ACSL6: variants seen among roughly 807,000 people sequenced by gnomAD.
The protein encoded by ACSL6 is long-chain-fatty-acid--CoA ligase 6.
Under a neutral mutation model 98.2 loss-of-function variants are expected in ACSL6, and 47 were observed. The ratio of observed to expected loss-of-function variants is 0.48; its 90% confidence interval spans 0.38 to 0.61. ACSL6 has a LOEUF of 0.61. ACSL6 is among the 20% of genes least tolerant of loss of function. ACSL6 has a pLI of 0.00. For synonymous variants in ACSL6, 362 were observed against 336.9 expected (o/e 1.07, Z -0.82); for missense variants, 761 against 913.4 (o/e 0.83, Z 2.15).
chr5:131,963,373 C>T (rs1401331933), intron 17 of ACSL6, among the ~76,000 whole-genome samples: 10 of 152,216 alleles, frequency 6.6e-5, no homozygotes, highest in African/African-American at 2.4e-5. Flanking sequence ...TTTCCCCTCA[C>T]CGCCACTGAC....
rs1182571581 is a variant in ACSL6, at chr5:131,989,489, A to T, written c.470T>A (p.Phe157Tyr). The change falls in exon 5 of 21, where the codon TTT becomes TAT. Residue 157 changes from phenylalanine (F) to tyrosine (Y), a missense_variant. Transcript: ENST00000651883. ...GTGCTGGAGAAGTCCGGACCCCAGA[A>T]ATTCAGCCCTGTCGGCCACCTGCAC... ...SYQEVADRAE[F>Y]LGSGLLQHNC... 6.2e-7 allele frequency: 1 copy of T among 1,612,788 alleles called. No homozygotes were observed. The highest frequency in any genetic ancestry group is 1.3e-5 in the African/African-American group (1 of 74,782).
intron 13 of ACSL6, 122 bp downstream of exon 13, chr5:131,972,602 G>A: frequency 8.4e-7 from 1 of 1,193,020 alleles, no homozygotes; most frequent in East Asian, 2.4e-5. Context: ...TTGATTTCAT[G>A]AGCAAATGAG....
chr5:131,969,447 T>C (rs1214644628), intron 15 of ACSL6, among the ~76,000 whole-genome samples: 1 of 150,734 alleles, frequency 6.6e-6, no homozygotes. Context: ...CTTTGGAGAT[T>C]ATTGTGTTTT....
At chr5:131,975,639 A>G in intron 10 of ACSL6, 6 of 985,364 alleles carry the variant, frequency 6.1e-6, no homozygotes, top group Non-Finnish European at 6.0e-6. Flanking sequence ...GAATGCTGAC[A>G]GGGAGCCCTG....
intron 1 of ACSL6, among the ~76,000 whole-genome samples, chr5:132,008,797 G>A (rs1478854843): frequency 6.6e-6 from 1 of 152,216 alleles, no homozygotes; most frequent in Non-Finnish European, 1.5e-5. Flanking sequence ...GTCACTGATG[G>A]TTGGGTATAT....
At chr5:131,976,528 G>A (rs1389227554) in intron 10 of ACSL6, 120 bp downstream of exon 10, 2 of 893,830 alleles carry the variant, frequency 2.2e-6, no homozygotes, top group East Asian at 5.3e-5. Context: ...GTGAATGGCA[G>A]CCCAGGTTAT....
At chr5:131,967,057 A>G (rs577848567) in intron 16 of ACSL6, among the ~76,000 whole-genome samples, 2 of 152,286 alleles carry the variant, frequency 1.3e-5, no homozygotes, top group East Asian at 3.9e-4. Context: ...TTTTTACAAA[A>G]TTTGGGGCTG....
intron 16 of ACSL6, among the ~76,000 whole-genome samples, chr5:131,967,695 A>ATAATAATAAT (rs898717100): frequency 1.4e-5 from 2 of 145,508 alleles, no homozygotes; most frequent in Non-Finnish European, 3.0e-5. Context: ...AATAATAATA[A>ATAATAATAAT]TAATTAATTA....
chr5:132,001,283 A>G (rs1755070666), intron 1 of ACSL6, among the ~76,000 whole-genome samples: 1 of 152,204 alleles, frequency 6.6e-6, no homozygotes, highest in Admixed American at 6.5e-5. Context: ...AGGTTGAGAA[A>G]TGCACAGCCT....
intron 17 of ACSL6, among the ~76,000 whole-genome samples, chr5:131,964,457 C>A (rs1180229022): frequency 6.6e-6 from 1 of 152,226 alleles, no homozygotes; most frequent in Non-Finnish European, 1.5e-5. Context: ...TACCTGCCTG[C>A]AACTTTAGGC....
intron 15 of ACSL6, among the ~76,000 whole-genome samples, chr5:131,968,729 C>T (rs549270534): frequency 3.9e-5 from 6 of 152,080 alleles, no homozygotes; most frequent in African/African-American, 4.8e-5. Context: ...AATTCACTGG[C>T]AAGTTGGAGG....
chr5:132,004,970 TG>T (rs1214977868), intron 1 of ACSL6, among the ~76,000 whole-genome samples: 1 of 151,962 alleles, frequency 6.6e-6, no homozygotes, highest in Non-Finnish European at 1.5e-5. Context: ...GCCAATGTGG[TG>T]AAACCCCGTC....
At position 131,994,012 on chromosome 5, in the gene ACSL6, C is replaced by T. The variant is rs761543113; in HGVS notation, c.270+19G>A. ...CTGCCCCCTACTTTCCGCAGTGGAA[C>T]GTCTCCTATCCTGCTCACCTCTACT... On this transcript the variant is annotated intron_variant, in intron 2 of 20. Transcript: ENST00000651883. The T allele has an allele frequency of 1.9e-5, 31 of 1,608,682 alleles. No homozygotes were observed. The highest frequency in any genetic ancestry group is 8.8e-5 in the South Asian group (8 of 90,880).
intron 1 of ACSL6, among the ~76,000 whole-genome samples, chr5:132,003,100 T>C (rs1046564734): frequency 6.6e-6 from 1 of 152,046 alleles, no homozygotes; most frequent in Admixed American, 6.5e-5. Context: ...ACAAAAAGAG[T>C]TTTGCCCTTG....
At chr5:131,988,719 TCAGA>T (rs1418730893) in intron 6 of ACSL6, 82 bp downstream of exon 6, 1 of 1,563,286 alleles carries the variant, frequency 6.4e-7, no homozygotes, top group Non-Finnish European at 8.8e-7. Flanking sequence ...CTTACGAGTG[TCAGA>T]CAATCAGCAT....
At chr5:131,976,038 T>G (rs1245019669) in intron 10 of ACSL6, 1 of 985,366 alleles carries the variant, frequency 1.0e-6, no homozygotes, top group Non-Finnish European at 1.2e-6. Context: ...CAAACTTTTT[T>G]GAAAAGATAC....
chr5:131,954,469 T>G, intron 20 of ACSL6, 98 bp from the exon 21 acceptor site: 2 of 1,244,070 alleles, frequency 1.6e-6, no homozygotes, highest in Non-Finnish European at 2.2e-6. Flanking sequence ...AGTAGATATA[T>G]TGACATACAG....
intron 19 of ACSL6, chr5:131,959,851 T>C (rs1752605963): frequency 1.9e-6 from 1 of 531,218 alleles, no homozygotes; most frequent in Non-Finnish European, 3.4e-6. Context: ...CAATTTTTTT[T>C]TAAAGCAGGC....
At chr5:132,011,950 C>A, upstream of ACSL6, 2 of 1,543,026 alleles carry the variant, frequency 1.3e-6, no homozygotes, top group East Asian at 2.5e-5. This position sits in a 1 kb window ranked among gnomAD's most constrained non-coding sequence, Gnocchi z 5.4. Flanking sequence ...AGGGGGAGCA[C>A]GGGCGACGAG....
Sources: allele counts gnomAD v4.1 joint callset (sites outside exome capture counted in the v4.1 genomes callset), GRCh38; gene constraint gnomAD v4.1.1; non-coding constraint Gnocchi (gnomAD v3.1); transcripts MANE v1.5; gene names NCBI Gene and HGNC (gene_info 2026-07-23, HGNC 2026-07-21).